Variants in SLC35F1 observed in about 807,000 individuals in gnomAD.
SLC35F1 encodes the protein solute carrier family 35 member F1.
In SLC35F1, 14 loss-of-function variants were observed where a neutral mutation model predicts 48.7. That is an observed-to-expected ratio of 0.29 (90% confidence interval 0.19 to 0.45). The LOEUF is 0.45. Ranked by LOEUF, SLC35F1 falls within the 20% of genes least tolerant of loss-of-function variation. The pLI, the probability that SLC35F1 is intolerant of heterozygous loss-of-function variation, is 1.00. For missense variants in SLC35F1, 404 were observed against 500.0 expected (o/e 0.81, Z 1.83); for synonymous variants, 190 against 202.2 (o/e 0.94, Z 0.51).
chr6:118,122,442 A>G (rs1293243416), intron 1 of SLC35F1, among the ~76,000 whole-genome samples: 1 of 152,180 alleles, frequency 6.6e-6, no homozygotes, highest in Non-Finnish European at 1.5e-5. Flanking sequence ...CAAGTCAGAG[A>G]AACTTTATTT....
intron 1 of SLC35F1, among the ~76,000 whole-genome samples, chr6:118,046,060 C>T (rs910675769): frequency 1.1e-4 from 16 of 152,072 alleles, no homozygotes; most frequent in Admixed American, 9.2e-4. Context: ...ACTTAATGCG[C>T]AAAGGCATTT....
intron 1 of SLC35F1, among the ~76,000 whole-genome samples, chr6:117,946,115 T>G (rs1310572049): frequency 6.6e-6 from 1 of 152,198 alleles, no homozygotes; most frequent in Non-Finnish European, 1.5e-5. Flanking sequence ...GTTTTCCCTG[T>G]GGCACTCATT....
chr6:118,057,856 G>A (rs1772485071), intron 1 of SLC35F1, among the ~76,000 whole-genome samples: 1 of 152,200 alleles, frequency 6.6e-6, no homozygotes, highest in Admixed American at 6.5e-5. Context: ...TTTCTGTTGT[G>A]TAGAGACAGA....
intron 1 of SLC35F1, among the ~76,000 whole-genome samples, chr6:117,941,956 G>GA (rs1382637382): frequency 6.6e-6 from 1 of 152,168 alleles, no homozygotes; most frequent in African/African-American, 2.4e-5. Flanking sequence ...TAGGTTAATA[G>GA]TAACCTTATA....
At position 118,213,050 on chromosome 6, in the gene SLC35F1, G is replaced by A. The variant is rs543765233; in HGVS notation, c.350-22459G>A. 3.9e-5 allele frequency among the ~76,000 whole-genome samples: 6 copies of A among 152,278 alleles called. No individual in the cohort carries two copies. In the South Asian group the frequency reaches 1.0e-3, roughly 26 times the overall value. ...CATTATTGTAAACATGCCAGTACAA[G>A]TTGAGGCAAGTTTGAATCCATCTGG... On this transcript the variant is annotated intron_variant, in intron 2 of 7. Coordinates refer to ENST00000360388, the MANE Select transcript of SLC35F1 (RefSeq NM_001029858.4).
At position 117,907,552 on chromosome 6, in the gene SLC35F1, C is replaced by G. The variant is rs189872101; in HGVS notation, c.-175C>G. The G allele has an allele frequency of 2.7e-6, 1 of 368,536 alleles. No individual in the cohort carries two copies. Among genetic ancestry groups the G allele is most frequent in the South Asian group, 8.3e-5 (1 of 12,088 alleles). 22.8% of individuals were successfully genotyped at this position (368,536 alleles called of 1,614,324 possible). On this transcript the variant is annotated 5_prime_UTR_variant, in exon 1 of 8. Coordinates refer to ENST00000360388, the MANE Select transcript of SLC35F1 (RefSeq NM_001029858.4). ...GGACTGGAGAGGAGTGAGTGGCGGG[C>G]TGGGCGGCGGCGGCCGTAGCCGCGG...
chr6:118,190,410 G>C (rs916582363), intron 2 of SLC35F1, among the ~76,000 whole-genome samples: 1 of 151,532 alleles, frequency 6.6e-6, no homozygotes, highest in African/African-American at 2.4e-5. Context: ...CATGAGCTCA[G>C]TCCAAAAAAA....
chr6:118,178,741 C>T (rs1056158336), intron 2 of SLC35F1, among the ~76,000 whole-genome samples: 1 of 151,968 alleles, frequency 6.6e-6, no homozygotes, highest in African/African-American at 2.4e-5. Flanking sequence ...ATGTTTTTCC[C>T]AGGATATTTC....
chr6:118,098,572 TC>T (rs1400510208), intron 1 of SLC35F1, among the ~76,000 whole-genome samples: 5 of 152,328 alleles, frequency 3.3e-5, no homozygotes, highest in African/African-American at 1.2e-4. Flanking sequence ...ACTTTTTGCA[TC>T]TTCCTTGGCT....
intron 4 of SLC35F1, among the ~76,000 whole-genome samples, chr6:118,269,747 T>C (rs1775827071): frequency 6.6e-6 from 1 of 152,090 alleles, no homozygotes; most frequent in Admixed American, 6.5e-5. Context: ...CAAGTCCATA[T>C]AAGATGTCAT....
At chr6:118,123,304 G>C (rs1037117450) in intron 1 of SLC35F1, among the ~76,000 whole-genome samples, 9 of 152,208 alleles carry the variant, frequency 5.9e-5, no homozygotes, top group South Asian at 2.1e-4. Flanking sequence ...GGCAAATTCA[G>C]CCCAAAGCTT....
intron 2 of SLC35F1, among the ~76,000 whole-genome samples, chr6:118,227,014 T>A (rs9489324): frequency 0.93 from 142,142 of 152,264 alleles, 66,411 homozygotes; most frequent in East Asian, 0.98. Flanking sequence ...ACAAAGTTGC[T>A]CAACATTGTG....
intron 1 of SLC35F1, among the ~76,000 whole-genome samples, chr6:118,119,494 G>GCCACC (rs1773522154): frequency 1.9e-5 from 1 of 52,192 alleles, no homozygotes; most frequent in Non-Finnish European, 4.1e-5. Context: ...AATAACCGGC[G>GCCACC]CCCCCCCTCC....
chr6:117,951,386 G>A (rs1008873930), intron 1 of SLC35F1, among the ~76,000 whole-genome samples: 1 of 152,180 alleles, frequency 6.6e-6, no homozygotes, highest in Admixed American at 6.5e-5. Flanking sequence ...AACTGTCTTG[G>A]AGATGGAAAG....
chr6:118,124,969 A>T (rs895580019), intron 1 of SLC35F1, among the ~76,000 whole-genome samples: 22 of 152,154 alleles, frequency 1.4e-4, no homozygotes, highest in Admixed American at 1.4e-3. Flanking sequence ...GCAAAACTCA[A>T]TCACCCAGGA....
intron 2 of SLC35F1, among the ~76,000 whole-genome samples, chr6:118,199,790 A>G (rs1267328836): frequency 1.3e-5 from 2 of 152,210 alleles, no homozygotes; most frequent in East Asian, 1.9e-4. Context: ...GTGAACTTCT[A>G]TCTTTATGAA....
At chr6:117,933,793 G>A (rs1776131260) in intron 1 of SLC35F1, among the ~76,000 whole-genome samples, 1 of 152,070 alleles carries the variant, frequency 6.6e-6, no homozygotes, top group South Asian at 2.1e-4. Flanking sequence ...TGGGCTCCAT[G>A]ACTTTATGAA....
intron 1 of SLC35F1, among the ~76,000 whole-genome samples, chr6:117,927,778 T>G (rs1042559629): frequency 6.6e-6 from 1 of 152,184 alleles, no homozygotes; most frequent in African/African-American, 2.4e-5. Context: ...GTTCTGGGAT[T>G]AAAATTTCTG....
intron 1 of SLC35F1, among the ~76,000 whole-genome samples, chr6:117,918,292 A>G (rs1775852757): frequency 6.6e-6 from 1 of 152,008 alleles, no homozygotes; most frequent in Admixed American, 6.5e-5. Context: ...AAATTGCAGG[A>G]AGGAGTGAGA....
Sources: allele counts gnomAD v4.1 joint callset (sites outside exome capture counted in the v4.1 genomes callset), GRCh38; gene constraint gnomAD v4.1.1; transcripts MANE v1.5; gene names NCBI Gene and HGNC (gene_info 2026-07-23, HGNC 2026-07-21).